COL10A1: variants seen among roughly 807,000 people sequenced by gnomAD.
COL10A1 encodes collagen type X alpha 1 chain.
Under a neutral mutation model 18.2 loss-of-function variants are expected in COL10A1, and 10 were observed. That is an observed-to-expected ratio of 0.55 (90% CI 0.34 to 0.93). COL10A1 has a LOEUF of 0.93. Ranked by LOEUF, COL10A1 falls within the 40% of genes least tolerant of loss-of-function variation. The pLI, the probability that COL10A1 is intolerant of heterozygous loss-of-function variation, is 0.02. For synonymous variants in COL10A1, 330 were observed against 316.6 expected, an observed-to-expected ratio of 1.04 and a Z score of -0.45; for missense variants, 897 against 853.5, an observed-to-expected ratio of 1.05 and a Z score of -0.64.
At chr6:116,205,444 A>G in the COL10A1 span, among the ~76,000 whole-genome samples, 1 of 148,632 alleles carries the variant, frequency 6.7e-6, no homozygotes, top group African/African-American at 2.6e-5. Flanking sequence ...TTAACCTTAG[A>G]AAGATAATTT....
chr6:116,168,655 T>A, the COL10A1 span, among the ~76,000 whole-genome samples: 2 of 152,302 alleles, frequency 1.3e-5, no homozygotes, highest in African/African-American at 4.8e-5. Flanking sequence ...TATATTATAT[T>A]GTCTCCTTGA....
chr6:116,215,563 G>C, the COL10A1 span, among the ~76,000 whole-genome samples: 1 of 152,126 alleles, frequency 6.6e-6, no homozygotes, highest in South Asian at 2.1e-4. Context: ...CCTCCCAGCT[G>C]TCAGCGTCCT....
At chr6:116,181,435 A>T in the COL10A1 span, among the ~76,000 whole-genome samples, 4 of 152,016 alleles carry the variant, frequency 2.6e-5, no homozygotes, top group South Asian at 8.3e-4. Context: ...ATGCAGAAAA[A>T]CCCAATTAAT....
At chr6:116,204,010 C>T in the COL10A1 span, among the ~76,000 whole-genome samples, 8 of 151,862 alleles carry the variant, frequency 5.3e-5, no homozygotes, top group African/African-American at 1.7e-4. Context: ...CCCAGCTCTC[C>T]ATAGACCCGC....
the COL10A1 span, among the ~76,000 whole-genome samples, chr6:116,200,534 A>G: frequency 6.6e-6 from 1 of 152,072 alleles, no homozygotes; most frequent in Non-Finnish European, 1.5e-5. Context: ...CTGTCCATCT[A>G]AAACTACTAA....
the COL10A1 span, among the ~76,000 whole-genome samples, chr6:116,166,280 A>G: frequency 6.6e-6 from 1 of 152,136 alleles, no homozygotes; most frequent in Non-Finnish European, 1.5e-5. Context: ...CCATTCATCT[A>G]TGTCTTTGAT....
At chr6:116,154,788 G>A (rs577692580) in intron 1 of COL10A1, among the ~76,000 whole-genome samples, 3 of 152,172 alleles carry the variant, frequency 2.0e-5, no homozygotes, top group South Asian at 2.1e-4. Context: ...ATTTGTTTAC[G>A]CCTCAGGATT....
At chr6:116,137,131 C>A in intron 1 of COL10A1, 2 of 209,412 alleles carry the variant, frequency 9.6e-6, no homozygotes, top group South Asian at 1.0e-4. Context: ...TCGGTGGGGT[C>A]TCCTTTTCTG....
At chr6:116,173,099 G>T in the COL10A1 span, among the ~76,000 whole-genome samples, 37 of 152,218 alleles carry the variant, frequency 2.4e-4, no homozygotes, top group African/African-American at 8.7e-4. Context: ...TTCAAAATTT[G>T]TGGTGATCCA....
upstream of COL10A1, among the ~76,000 whole-genome samples, chr6:116,129,043 T>C (rs181725126): frequency 2.9e-3 from 440 of 152,294 alleles, 10 homozygotes; most frequent in South Asian, 0.044. Context: ...CACCACTCCT[T>C]CAAATTTTGA....
chr6:116,195,850 C>G, the COL10A1 span, among the ~76,000 whole-genome samples: 1 of 151,976 alleles, frequency 6.6e-6, no homozygotes, highest in African/African-American at 2.4e-5. Flanking sequence ...ATGCTATTTT[C>G]TAACAGTAAC....
chr6:116,129,622 C>T (rs372969477), upstream of COL10A1, among the ~76,000 whole-genome samples: 14 of 152,268 alleles, frequency 9.2e-5, no homozygotes, highest in Non-Finnish European at 1.5e-4. Flanking sequence ...CTCCAGATAC[C>T]GGTGCCATCC....
chr6:116,145,658 A>C (rs1032786380), intron 1 of COL10A1, among the ~76,000 whole-genome samples: 2 of 152,204 alleles, frequency 1.3e-5, no homozygotes, highest in Non-Finnish European at 2.9e-5. Flanking sequence ...TTTTCTTTAA[A>C]GTATCCCCAG....
chr6:116,135,208 A>G lies in COL10A1; in HGVS notation c.-15-9701T>C, dbSNP rs574364492. On this transcript the variant is annotated intron_variant, in intron 1 of 1. Coordinates refer to the COL10A1 transcript ENST00000418500. ...AGCATCTTCTCTTGAATGGAAATAC[A>G]TATATGACCCTTAAAGGGGGAAGAT... is the stretch of plus-strand genomic sequence containing the variant. Among the ~76,000 whole-genome samples, 3 of 152,288 alleles carry G rather than the reference A, an allele frequency of 2.0e-5. No homozygotes were observed. In the South Asian group the frequency reaches 6.2e-4, roughly 32 times the overall value.
At chr6:116,178,104 TGCGTGC>T in the COL10A1 span, among the ~76,000 whole-genome samples, 17 of 101,028 alleles carry the variant, frequency 1.7e-4, no homozygotes, top group African/African-American at 5.0e-4. Flanking sequence ...CGCGCGCGCG[TGCGTGC>T]GTGTGTGTGT....
chr6:116,186,396 G>C, the COL10A1 span, among the ~76,000 whole-genome samples: 2 of 151,408 alleles, frequency 1.3e-5, no homozygotes, highest in African/African-American at 4.9e-5. Flanking sequence ...GTTCTTCCCA[G>C]AGCTGCTTGT....
the COL10A1 span, among the ~76,000 whole-genome samples, chr6:116,172,502 A>G: frequency 6.6e-6 from 1 of 151,686 alleles, no homozygotes; most frequent in Non-Finnish European, 1.5e-5. Flanking sequence ...TTCTATTTTG[A>G]GTAGAGACAG....
chr6:116,121,446 C>T lies in COL10A1; in HGVS notation c.670G>A (p.Glu224Lys), dbSNP rs142492015. 29 of 1,614,010 alleles carry T rather than the reference C, an allele frequency of 1.8e-5. No individual in the cohort carries two copies. Among genetic ancestry groups the T allele is most frequent in the Middle Eastern group, 3.3e-4 (2 of 6,084 alleles). ...CCTGGCTGTCCTGGAACCCCATTTTCACCTCTTTTTCCCACTCCAGGAGGG... is the reference window on the plus strand; with the variant it reads ...CCTGGCTGTCCTGGAACCCCATTTTTACCTCTTTTTCCCACTCCAGGAGGG... ...SGPPGVGKRG[E>K]NGVPGQPGIK... The change falls in exon 3 of 3, where the codon GAA becomes AAA. Residue 224 changes from glutamate to lysine, a missense_variant. By Grantham distance (56) the Glu-to-Lys change is moderately conservative. Transcript: ENST00000651968.
intron 1 of COL10A1, among the ~76,000 whole-genome samples, chr6:116,136,551 G>T (rs73566407): frequency 1.2e-4 from 18 of 152,168 alleles, no homozygotes; most frequent in African/African-American, 4.1e-4. Context: ...CAGAACTGGG[G>T]TTTGAACCCA....
Sources: gnomAD v4.1 joint callset for allele counts (sites outside exome capture counted in the v4.1 genomes callset) on GRCh38, gnomAD v4.1.1 for gene constraint, MANE v1.5 for transcripts, NCBI Gene and HGNC (gene_info 2026-07-23, HGNC 2026-07-21) for gene names.